Variants in PPFIA4 observed in about 807,000 individuals in gnomAD.
PPFIA4 encodes PPFI scaffold protein A4, also known as liprin-alpha-4.
A neutral mutation model predicts 145.7 loss-of-function variants in PPFIA4; 98 were observed. The ratio of observed to expected loss-of-function variants is 0.67; its 90% CI spans 0.57 to 0.80. The LOEUF is 0.80. Ranked by LOEUF, PPFIA4 falls within the 30% of genes least tolerant of loss-of-function variation. The pLI is 0.00. For missense variants in PPFIA4, 1,457 were observed against 1,632.7 expected, an observed-to-expected ratio of 0.89 and a Z score of 1.85; for synonymous variants, 628 against 649.6, an observed-to-expected ratio of 0.97 and a Z score of 0.51.
chr1:203,059,300 G>C, intron 20 of PPFIA4, 29 bp downstream of exon 20: 1 of 1,463,792 alleles, frequency 6.8e-7, no homozygotes, highest in South Asian at 1.2e-5. Context: ...GGTCTGCCAG[G>C]GTGGGGCCCA....
chr1:203,067,030 C>T (rs1282974944), intron 25 of PPFIA4, among the ~76,000 whole-genome samples: 1 of 152,150 alleles, frequency 6.6e-6, no homozygotes, highest in Non-Finnish European at 1.5e-5. Context: ...ATCGGATGAA[C>T]AACGTGACTA....
intron 28 of PPFIA4, among the ~76,000 whole-genome samples, chr1:203,073,359 T>C (rs907331642): frequency 6.6e-6 from 1 of 152,094 alleles, no homozygotes; most frequent in Non-Finnish European, 1.5e-5. Flanking sequence ...CCTCCAGACA[T>C]TGGGGTGGAG....
intron 2 of PPFIA4, among the ~76,000 whole-genome samples, chr1:203,042,685 G>A (rs1220256362): frequency 6.6e-6 from 1 of 152,130 alleles, no homozygotes; most frequent in African/African-American, 2.4e-5. Context: ...CGCCCAGGCT[G>A]GAGTGCAGTG....
chr1:203,045,594 T>C (rs748742480), intron 7 of PPFIA4, 35 bp downstream of exon 7: 44 of 1,524,008 alleles, frequency 2.9e-5, no homozygotes, highest in African/African-American at 8.3e-5. Context: ...TGTGACCTCA[T>C]TGTGGAGCGT....
intron 27 of PPFIA4, among the ~76,000 whole-genome samples, chr1:203,069,672 C>T (rs1558101740): frequency 1.3e-5 from 2 of 152,006 alleles, no homozygotes; most frequent in South Asian, 4.2e-4. Context: ...GCTGTGTTGT[C>T]TCGTAATTCT....
chr1:203,051,718 G>T (rs1660519654), intron 13 of PPFIA4, 51 bp from the exon 14 acceptor site: 1 of 1,562,432 alleles, frequency 6.4e-7, no homozygotes, highest in Admixed American at 1.9e-5. Context: ...GTGTGAGCTG[G>T]GGGTCTCAGT....
At chr1:203,040,073 A>G (rs1296690741) in intron 2 of PPFIA4, among the ~76,000 whole-genome samples, 2 of 152,222 alleles carry the variant, frequency 1.3e-5, no homozygotes, top group African/African-American at 4.8e-5. Context: ...TGCTCTGGGA[A>G]TGCAGGAGGG....
rs1172770539 is a variant in PPFIA4 at position 203,038,841 on chromosome 1, C to T, written c.-168C>T. 3.5e-5 allele frequency: 20 copies of T among 563,518 alleles called. No individual in the cohort carries two copies. The Admixed American group carries it at 6.3e-4, about 18-fold the overall frequency. 34.9% of individuals were successfully genotyped at this position (563,518 alleles called of 1,614,324 possible). A position where few individuals can be genotyped will look rare whatever the true frequency, so the allele number is the denominator to read the frequency against. ...CACAGGGGCACTCCAGACCCCAGGC[C>T]CCTTTCAGAGCAAAAGCAACTGATG... On this transcript the variant is annotated 5_prime_UTR_variant, in exon 2 of 30. Coordinates refer to ENST00000295706, the MANE Select transcript of PPFIA4 (RefSeq NM_001304331.2).
intron 1 of PPFIA4, among the ~76,000 whole-genome samples, chr1:203,032,861 C>G (rs1477028783): frequency 6.6e-6 from 1 of 152,076 alleles, no homozygotes; most frequent in Non-Finnish European, 1.5e-5. Flanking sequence ...CTGTCTAAAC[C>G]ATGACCCTCT....
Position 203,048,326 on chromosome 1 carries a change from C to T in PPFIA4, c.1224+16C>T, listed in dbSNP as rs78717186. On this transcript the variant is annotated intron_variant, in intron 10 of 29. Coordinates refer to ENST00000295706, the MANE Select transcript of PPFIA4 (RefSeq NM_001304331.2). The surrounding 1 kb of genome is among the most constrained non-coding windows in gnomAD (Gnocchi z 5.8). ...GCTGGCACGGGTGAGGGCACCAGGC[C>T]GGGCCCTCAGGCCCCCTCCTTCCCG... 9.2e-3 allele frequency: 14,880 copies of T among 1,609,710 alleles called. 554 individuals are homozygous for T. The Admixed American group carries it at 0.098, about 11-fold the overall frequency.
rs1662511837 is a variant in PPFIA4 at position 203,075,984 on chromosome 1, G to A, written c.3574+227G>A. The A allele has an allele frequency of 3.8e-6, 2 of 531,440 alleles. No homozygotes were observed. The highest frequency in any genetic ancestry group is 2.0e-5 in the African/African-American group (1 of 50,378). 32.9% of individuals were successfully genotyped at this position (531,440 alleles called of 1,614,324 possible). A position where few individuals can be genotyped will look rare whatever the true frequency, so the allele number is the denominator to read the frequency against. The stretch of plus-strand genomic sequence containing the variant: ...TTCTCCCAGCTGGGACGGCGGGGTC[G>A]CAGAGACTGGAGACCTCCACGGTTC... On this transcript the variant is annotated intron_variant, in intron 29 of 29. Coordinates refer to ENST00000295706, the MANE Select transcript of PPFIA4 (RefSeq NM_001304331.2). The surrounding 1 kb of genome is among the most constrained non-coding windows in gnomAD (Gnocchi z 4.1).
intron 25 of PPFIA4, among the ~76,000 whole-genome samples, chr1:203,065,312 A>T (rs1661655970): frequency 6.6e-6 from 1 of 151,738 alleles, no homozygotes; most frequent in African/African-American, 2.4e-5. Context: ...TCCCCTCTGC[A>T]CCCGCCCCCA....
intron 1 of PPFIA4, among the ~76,000 whole-genome samples, chr1:203,036,001 A>C (rs1002819844): frequency 6.6e-6 from 1 of 152,210 alleles, no homozygotes; most frequent in African/African-American, 2.4e-5. Context: ...CCAGCTTCTC[A>C]GTTGCTAAAA....
intron 23 of PPFIA4, 102 bp from the exon 24 acceptor site, chr1:203,061,550 A>C: frequency 8.3e-7 from 1 of 1,204,722 alleles, no homozygotes; most frequent in Non-Finnish European, 1.1e-6. Flanking sequence ...CCAGCCAGAT[A>C]CTGGGATGTC....
chr1:203,029,780 C>T (rs1219503767), intron 1 of PPFIA4, among the ~76,000 whole-genome samples: 1 of 152,162 alleles, frequency 6.6e-6, no homozygotes, highest in Admixed American at 6.5e-5. Context: ...ACTTCCCAGT[C>T]TCTCATAAAG....
At chr1:203,057,312 T>G (rs1380694429) in intron 19 of PPFIA4, among the ~76,000 whole-genome samples, 1 of 152,212 alleles carries the variant, frequency 6.6e-6, no homozygotes. Flanking sequence ...CTCTTGGTTG[T>G]TTCTTTAGAA....
At chr1:203,070,091 C>G (rs541067465) in intron 27 of PPFIA4, among the ~76,000 whole-genome samples, 2 of 149,506 alleles carry the variant, frequency 1.3e-5, no homozygotes, top group South Asian at 4.3e-4. Context: ...TATTTTCTAC[C>G]TAGAAATGGA....
At chr1:203,035,201 C>CT in intron 1 of PPFIA4, 1 of 433,536 alleles carries the variant, frequency 2.3e-6, no homozygotes, top group Admixed American at 2.6e-5. Context: ...TGGAGGCTCC[C>CT]TTTTTGCCCA....
At position 203,055,323 on chromosome 1, in the gene PPFIA4, G is replaced by A; in HGVS notation, c.1830-109G>A. Reference sequence around the variant, plus strand: ...CAGTGGGACAGACAAAGCCTGGCGGGTGTACACCGCATGTGGTCCTTGGTG... The same window carrying A: ...CAGTGGGACAGACAAAGCCTGGCGGATGTACACCGCATGTGGTCCTTGGTG... On this transcript the variant is annotated intron_variant, in intron 15 of 29. Coordinates refer to ENST00000295706, the MANE Select transcript of PPFIA4 (RefSeq NM_001304331.2). This position sits in a 1 kb window ranked among gnomAD's most constrained non-coding sequence, Gnocchi z 4.8. The A allele has an allele frequency of 2.8e-6, 4 of 1,427,242 alleles. No homozygotes were observed. The highest frequency in any genetic ancestry group is 2.9e-6 in the Non-Finnish European group (3 of 1,024,356). The allele number at this position is 1,427,242 out of a possible 1,614,324, so 88.4% of individuals were successfully genotyped here. A position where few individuals can be genotyped will look rare whatever the true frequency, so the allele number is the denominator to read the frequency against.
Sources: gnomAD v4.1 joint callset for allele counts (sites outside exome capture counted in the v4.1 genomes callset) on GRCh38, gnomAD v4.1.1 for gene constraint, Gnocchi (gnomAD v3.1) non-coding constraint, MANE v1.5 for transcripts, NCBI Gene and HGNC (gene_info 2026-07-23, HGNC 2026-07-21) for gene names.